Variants in TASP1 observed in about 807,000 individuals in gnomAD.
TASP1 encodes the protein threonine aspartase 1.
In TASP1, 16 loss-of-function variants were observed where a neutral mutation model predicts 56.6. The ratio of observed to expected loss-of-function variants is 0.28; its 90% CI spans 0.19 to 0.43. TASP1 has a LOEUF of 0.43. Among genes scored for constraint, TASP1 ranks in the 20% least tolerant of loss-of-function variants. The pLI is 1.00. For missense variants in TASP1, 393 were observed against 511.6 expected (o/e 0.77, Z 2.24); for synonymous variants, 179 against 184.2 (o/e 0.97, Z 0.23).
chr20:13,267,281 A>T, the TASP1 span, among the ~76,000 whole-genome samples: 1 of 152,200 alleles, frequency 6.6e-6, no homozygotes, highest in Non-Finnish European at 1.5e-5. Context: ...TCTTCCAAAT[A>T]CTTTACAAAC....
chr20:13,194,731 G>A, the TASP1 span, among the ~76,000 whole-genome samples: 1 of 152,100 alleles, frequency 6.6e-6, no homozygotes, highest in Non-Finnish European at 1.5e-5. Flanking sequence ...AAGAGATAAA[G>A]AGATATCTTG....
chr20:13,131,814 A>G, the TASP1 span, among the ~76,000 whole-genome samples: 1 of 152,050 alleles, frequency 6.6e-6, no homozygotes, highest in Non-Finnish European at 1.5e-5. Context: ...ACTAACTCAT[A>G]CCATGTCACT....
intron 10 of TASP1, among the ~76,000 whole-genome samples, chr20:13,498,329 TTTTGTGTGTG>T (rs1163933119): frequency 4.9e-4 from 57 of 116,042 alleles, no homozygotes; most frequent in African/African-American, 1.8e-3. Context: ...TTTTCTTTTC[TTTTGTGTGTG>T]TGTGTGTGTG....
chr20:13,304,243 A>G, the TASP1 span, among the ~76,000 whole-genome samples: 1 of 152,214 alleles, frequency 6.6e-6, no homozygotes, highest in Non-Finnish European at 1.5e-5. Flanking sequence ...TGAGGGGTCC[A>G]GGAAGCAGAG....
At chr20:13,609,553 C>T (rs1365980083) in intron 4 of TASP1, among the ~76,000 whole-genome samples, 3 of 151,724 alleles carry the variant, frequency 2.0e-5, no homozygotes, top group African/African-American at 7.3e-5. Flanking sequence ...TCGGGCATGG[C>T]GGTGGGCGCC....
intron 11 of TASP1, among the ~76,000 whole-genome samples, chr20:13,465,204 AG>A (rs1369634374): frequency 7.3e-5 from 11 of 150,746 alleles, no homozygotes; most frequent in African/African-American, 2.7e-4. Flanking sequence ...AAAAAAGGAA[AG>A]GAAAAAAAAA....
At chr20:13,508,232 A>G (rs1344534988) in intron 10 of TASP1, among the ~76,000 whole-genome samples, 2 of 152,118 alleles carry the variant, frequency 1.3e-5, no homozygotes, top group African/African-American at 4.8e-5. Context: ...AGGCAACAAA[A>G]GCAAAAATAA....
At chr20:13,260,221 C>T in the TASP1 span, among the ~76,000 whole-genome samples, 34 of 152,304 alleles carry the variant, frequency 2.2e-4, no homozygotes, top group African/African-American at 7.7e-4. Flanking sequence ...CCTATGACAG[C>T]TCTATAATTG....
the TASP1 span, among the ~76,000 whole-genome samples, chr20:13,221,140 G>C: frequency 6.6e-6 from 1 of 151,974 alleles, no homozygotes; most frequent in African/African-American, 2.4e-5. Flanking sequence ...GAGGTGGCTT[G>C]CCGGGTGAGT....
intron 11 of TASP1, among the ~76,000 whole-genome samples, chr20:13,444,674 T>C (rs1364829567): frequency 1.3e-5 from 2 of 152,214 alleles, no homozygotes; most frequent in Non-Finnish European, 2.9e-5. Flanking sequence ...AAGATGTATA[T>C]TAAGTTAACT....
At chr20:13,539,043 G>C (rs1293028890) in intron 8 of TASP1, among the ~76,000 whole-genome samples, 1 of 151,944 alleles carries the variant, frequency 6.6e-6, no homozygotes, top group Non-Finnish European at 1.5e-5. Flanking sequence ...GTGAGACTCT[G>C]TCTCAAAAAT....
At position 13,528,524 on chromosome 20, in the gene TASP1, G is replaced by T; in HGVS notation, c.796-13C>A. On this transcript the variant is annotated splice_polypyrimidine_tract_variant and intron_variant, in intron 9 of 13. Coordinates refer to ENST00000337743, the MANE Select transcript of TASP1 (RefSeq NM_017714.3). ...CATAAAGAGCAGCCTGGGGAAAAAA[G>T]AAAATAGATATAATATTTCAGAAAT... 2 of 1,596,810 alleles carry T rather than the reference G, an allele frequency of 1.3e-6. No homozygotes were observed. The highest frequency in any genetic ancestry group is 1.7e-6 in the Non-Finnish European group (2 of 1,171,172).
intron 8 of TASP1, among the ~76,000 whole-genome samples, chr20:13,550,743 C>G (rs1332058213): frequency 3.9e-5 from 6 of 152,030 alleles, no homozygotes; most frequent in Admixed American, 3.9e-4. Flanking sequence ...CAGTCACATC[C>G]AGGGCTGGCT....
At chr20:13,293,777 C>A in the TASP1 span, among the ~76,000 whole-genome samples, 1 of 152,182 alleles carries the variant, frequency 6.6e-6, no homozygotes, top group Middle Eastern at 3.4e-3. Context: ...AGTTTGAGAC[C>A]AGCCTGGCCA....
At chr20:13,427,101 T>A (rs150075519) in intron 12 of TASP1, among the ~76,000 whole-genome samples, 151 of 152,328 alleles carry the variant, frequency 9.9e-4, no homozygotes, top group African/African-American at 3.5e-3. Flanking sequence ...TGCCATGTAA[T>A]GGAAATAAGT....
At chr20:13,299,611 G>C in the TASP1 span, 146 of 762,208 alleles carry the variant, frequency 1.9e-4, 1 homozygote, top group African/African-American at 2.5e-3. This position sits in a 1 kb window ranked among gnomAD's most constrained non-coding sequence, Gnocchi z 5.8. Context: ...CGCTAGGGGC[G>C]TGTGCCACGC....
At chr20:13,367,372 TTCA>T in the TASP1 span, among the ~76,000 whole-genome samples, 2 of 152,226 alleles carry the variant, frequency 1.3e-5, no homozygotes, top group Non-Finnish European at 1.5e-5. Flanking sequence ...TTCATTCCCA[TTCA>T]TCATCATAAT....
the TASP1 span, among the ~76,000 whole-genome samples, chr20:13,194,154 A>G: frequency 1.3e-5 from 2 of 152,144 alleles, no homozygotes; most frequent in South Asian, 4.2e-4. Context: ...CTCAAAAAAC[A>G]GCAAAAAATG....
chr20:13,244,838 CT>C, the TASP1 span, among the ~76,000 whole-genome samples: 1 of 152,166 alleles, frequency 6.6e-6, no homozygotes, highest in Non-Finnish European at 1.5e-5. Context: ...GAAACATCTG[CT>C]TTGCCTGGTG....
Sources: allele counts gnomAD v4.1 joint callset (sites outside exome capture counted in the v4.1 genomes callset), GRCh38; gene constraint gnomAD v4.1.1; non-coding constraint Gnocchi (gnomAD v3.1); transcripts MANE v1.5; gene names NCBI Gene and HGNC (gene_info 2026-07-23, HGNC 2026-07-21).